GRM8: variants seen among roughly 807,000 people sequenced by gnomAD.
GRM8 encodes metabotropic glutamate receptor 8.
In GRM8, 47 loss-of-function variants were observed where a neutral mutation model predicts 87.2. The ratio of observed to expected loss-of-function variants is 0.54; its 90% confidence interval spans 0.43 to 0.69. The LOEUF (loss-of-function observed/expected upper bound fraction) is 0.69. GRM8 is among the 30% of genes least tolerant of loss of function. The pLI, the probability that GRM8 is intolerant of heterozygous loss-of-function variation, is 0.00. For synonymous variants in GRM8, 396 were observed against 404.5 expected (o/e 0.98, Z 0.25); for missense variants, 1,019 against 1,139.2 (o/e 0.89, Z 1.52).
intron 4 of GRM8, 33 bp from the exon 5 acceptor site, chr7:126,904,159 A>C: frequency 6.5e-7 from 1 of 1,545,214 alleles, no homozygotes; most frequent in Non-Finnish European, 8.9e-7. Flanking sequence ...TGCATATCAC[A>C]TGTATTAAAA....
chr7:126,802,856 A>G (rs2151712790), intron 6 of GRM8, among the ~76,000 whole-genome samples: 1 of 152,330 alleles, frequency 6.6e-6, no homozygotes, highest in South Asian at 2.1e-4. Context: ...TGCACTGAGA[A>G]TATCATGGAG....
intron 3 of GRM8, among the ~76,000 whole-genome samples, chr7:126,945,491 A>C (rs1204557): frequency 3.3e-5 from 5 of 152,006 alleles, no homozygotes; most frequent in Admixed American, 6.5e-5. Flanking sequence ...ACCTGACATA[A>C]GACAGGTTGC....
chr7:127,065,918 CTT>C (rs2085751954), intron 3 of GRM8, among the ~76,000 whole-genome samples: 2 of 152,152 alleles, frequency 1.3e-5, no homozygotes, highest in Non-Finnish European at 2.9e-5. Context: ...GAATTTTTCT[CTT>C]TCTTACTCAA....
intron 7 of GRM8, among the ~76,000 whole-genome samples, chr7:126,688,739 G>GAC (rs3831573): frequency 0.54 from 79,248 of 145,654 alleles, 21,254 homozygotes; most frequent in Non-Finnish European, 0.59. Context: ...CTCTCTTTCT[G>GAC]ACACACACAC....
At chr7:126,729,725 C>T (rs1252497050) in intron 7 of GRM8, among the ~76,000 whole-genome samples, 1 of 152,134 alleles carries the variant, frequency 6.6e-6, no homozygotes, top group Non-Finnish European at 1.5e-5. Flanking sequence ...TTTTCCTCAT[C>T]TAAGATCTCA....
intron 3 of GRM8, among the ~76,000 whole-genome samples, chr7:127,101,535 T>C (rs1825251586): frequency 2.6e-5 from 4 of 152,142 alleles, no homozygotes; most frequent in Admixed American, 2.6e-4. Context: ...ATCTCCCCCA[T>C]TCCCAACTCT....
At chr7:126,841,773 G>A (rs763466299) in intron 6 of GRM8, among the ~76,000 whole-genome samples, 12 of 151,516 alleles carry the variant, frequency 7.9e-5, no homozygotes, top group East Asian at 3.9e-4. Context: ...GACTACAGGC[G>A]CCCCCACCAA....
At chr7:126,579,643 T>C (rs1795428443) in intron 8 of GRM8, among the ~76,000 whole-genome samples, 1 of 152,172 alleles carries the variant, frequency 6.6e-6, no homozygotes, top group Non-Finnish European at 1.5e-5. Flanking sequence ...GTTGGTATTC[T>C]AGGAAAAGGA....
chr7:127,176,360 T>C (rs1675059688), intron 2 of GRM8, among the ~76,000 whole-genome samples: 1 of 152,184 alleles, frequency 6.6e-6, no homozygotes, highest in African/African-American at 2.4e-5. Flanking sequence ...ATGTTAATTG[T>C]TTAAAAACAC....
chr7:126,838,240 A>G (rs1237621413), intron 6 of GRM8, among the ~76,000 whole-genome samples: 1 of 152,210 alleles, frequency 6.6e-6, no homozygotes. Flanking sequence ...TTTTAGAAAT[A>G]GCATCTTGGG....
chr7:127,116,980 G>A (rs1022862420), intron 2 of GRM8, among the ~76,000 whole-genome samples: 1 of 152,170 alleles, frequency 6.6e-6, no homozygotes, highest in Non-Finnish European at 1.5e-5. Context: ...CCTGAGGCTT[G>A]TAAGGGTAAG....
chr7:126,721,314 C>T (rs560501725), intron 7 of GRM8, among the ~76,000 whole-genome samples: 28 of 152,276 alleles, frequency 1.8e-4, no homozygotes, highest in Middle Eastern at 3.4e-3. Flanking sequence ...TACTGAAGTG[C>T]AGCCATCACT....
At chr7:127,066,153 C>T (rs1188887730) in intron 3 of GRM8, among the ~76,000 whole-genome samples, 3 of 152,218 alleles carry the variant, frequency 2.0e-5, no homozygotes, top group African/African-American at 7.2e-5. Context: ...CATTTATCAG[C>T]TTCTTCTCCA....
chr7:126,627,586 A>G (rs1800829842), intron 7 of GRM8, among the ~76,000 whole-genome samples: 1 of 152,124 alleles, frequency 6.6e-6, no homozygotes, highest in South Asian at 2.1e-4. Flanking sequence ...TACAATGCTA[A>G]TAAGAAGTGG....
intron 6 of GRM8, among the ~76,000 whole-genome samples, chr7:126,898,926 T>G (rs2131167039): frequency 6.6e-6 from 1 of 151,896 alleles, no homozygotes. Flanking sequence ...CTCACTCTCC[T>G]TTCACCCTCA....
chr7:126,722,082 C>T (rs921933350), intron 7 of GRM8, among the ~76,000 whole-genome samples: 2 of 152,106 alleles, frequency 1.3e-5, no homozygotes, highest in Non-Finnish European at 2.9e-5. Context: ...AGATACTGTT[C>T]CATCAAATCT....
At chr7:126,863,418 A>T (rs10227717) in intron 6 of GRM8, among the ~76,000 whole-genome samples, 2,091 of 152,276 alleles carry the variant, frequency 0.014, 53 homozygotes, top group African/African-American at 0.048. Flanking sequence ...ATATGTTTTA[A>T]CTTGTTAAAG....
intron 3 of GRM8, among the ~76,000 whole-genome samples, chr7:127,103,162 T>C (rs1185542209): frequency 6.6e-6 from 1 of 152,210 alleles, no homozygotes; most frequent in Non-Finnish European, 1.5e-5. Context: ...GAGTTAATGC[T>C]ACAATGAGTT....
At chr7:126,787,996 T>C (rs1820804369) in intron 6 of GRM8, among the ~76,000 whole-genome samples, 1 of 152,166 alleles carries the variant, frequency 6.6e-6, no homozygotes, top group Non-Finnish European at 1.5e-5. Flanking sequence ...AAAATCTCCA[T>C]CTAATTATTT....
Sources: allele counts gnomAD v4.1 joint callset (sites outside exome capture counted in the v4.1 genomes callset), GRCh38; gene constraint gnomAD v4.1.1; transcripts MANE v1.5; gene names NCBI Gene and HGNC (gene_info 2026-07-23, HGNC 2026-07-21).